CDKAL1: variants seen among roughly 807,000 people sequenced by gnomAD.
The protein encoded by CDKAL1 is threonylcarbamoyladenosine tRNA methylthiotransferase.
CDKAL1 carries 32 observed loss-of-function variants against 68.2 expected under a neutral mutation model. The ratio of observed to expected loss-of-function variants is 0.47; its 90% CI spans 0.35 to 0.63. The LOEUF (loss-of-function observed/expected upper bound fraction) is 0.63. Among genes scored for constraint, CDKAL1 ranks in the 30% least tolerant of loss-of-function variants. The probability of loss-of-function intolerance (pLI) is 0.00; values close to 1 mark genes in which losing one functional copy is unlikely to be tolerated. For missense variants in CDKAL1, 606 were observed against 696.7 expected (o/e 0.87, Z 1.47); for synonymous variants, 234 against 244.3 (o/e 0.96, Z 0.39).
At chr6:20,987,626 T>G (rs1264218311) in intron 10 of CDKAL1, among the ~76,000 whole-genome samples, 1 of 152,194 alleles carries the variant, frequency 6.6e-6, no homozygotes, top group Non-Finnish European at 1.5e-5. Context: ...TTGCAACAGT[T>G]AACTTCTTCT....
At chr6:20,849,834 G>A (rs1330400180) in intron 9 of CDKAL1, among the ~76,000 whole-genome samples, 2 of 151,950 alleles carry the variant, frequency 1.3e-5, no homozygotes, top group Non-Finnish European at 2.9e-5. Context: ...TTTATGCTAC[G>A]GGCGGCCTTA....
intron 4 of CDKAL1, among the ~76,000 whole-genome samples, chr6:20,632,028 T>C (rs113872198): frequency 5.0e-4 from 76 of 152,368 alleles, no homozygotes; most frequent in Middle Eastern, 3.4e-3. Flanking sequence ...TTTAATGATA[T>C]TTTAGTAAGT....
At chr6:20,903,382 C>G (rs1398229117) in intron 9 of CDKAL1, among the ~76,000 whole-genome samples, 1 of 152,186 alleles carries the variant, frequency 6.6e-6, no homozygotes, top group Admixed American at 6.5e-5. Context: ...TTACTTTACT[C>G]AGCCTTAGTT....
At chr6:20,710,554 G>A (rs1562043731) in intron 5 of CDKAL1, among the ~76,000 whole-genome samples, 1 of 152,180 alleles carries the variant, frequency 6.6e-6, no homozygotes, top group Non-Finnish European at 1.5e-5. Context: ...AGTGACGAAT[G>A]ACTGTATGTA....
chr6:20,869,887 G>C (rs899266102), intron 9 of CDKAL1, among the ~76,000 whole-genome samples: 5 of 152,070 alleles, frequency 3.3e-5, no homozygotes, highest in Admixed American at 6.5e-5. Context: ...TTATAACGGG[G>C]TGCAGTGTAT....
intron 4 of CDKAL1, among the ~76,000 whole-genome samples, chr6:20,619,941 TG>T (rs1467370776): frequency 6.6e-6 from 1 of 152,366 alleles, no homozygotes; most frequent in East Asian, 1.9e-4. Flanking sequence ...GAAGGATTTT[TG>T]TGGAAAGCTA....
intron 5 of CDKAL1, among the ~76,000 whole-genome samples, chr6:20,738,774 C>T (rs1773313597): frequency 6.6e-6 from 1 of 152,192 alleles, no homozygotes; most frequent in Admixed American, 6.5e-5. Flanking sequence ...GTTGGGATTA[C>T]AGGTGTGAAC....
At chr6:20,960,217 C>T (rs533502156) in intron 10 of CDKAL1, among the ~76,000 whole-genome samples, 1 of 152,122 alleles carries the variant, frequency 6.6e-6, no homozygotes, top group Non-Finnish European at 1.5e-5. Flanking sequence ...CAGCCTTGAA[C>T]TCCTGGGCTC....
chr6:20,637,549 C>T (rs1029784662), intron 4 of CDKAL1, among the ~76,000 whole-genome samples: 4 of 151,888 alleles, frequency 2.6e-5, no homozygotes, highest in Admixed American at 6.6e-5. Flanking sequence ...GGCAACAGAG[C>T]GAAACTCTGT....
At chr6:20,843,514 A>C (rs2150489502) in intron 8 of CDKAL1, among the ~76,000 whole-genome samples, 1 of 151,982 alleles carries the variant, frequency 6.6e-6, no homozygotes. Flanking sequence ...TATCCTGGGG[A>C]TGAGATCCAA....
chr6:20,916,976 TG>T (rs1762750584), intron 9 of CDKAL1, among the ~76,000 whole-genome samples: 1 of 152,098 alleles, frequency 6.6e-6, no homozygotes, highest in Non-Finnish European at 1.5e-5. Context: ...TTTGTCTTTT[TG>T]TTTGTTTTTG....
intron 5 of CDKAL1, among the ~76,000 whole-genome samples, chr6:20,724,449 G>T (rs942321995): frequency 6.6e-5 from 10 of 151,934 alleles, no homozygotes; most frequent in Admixed American, 4.6e-4. Flanking sequence ...AGGTACAGTG[G>T]CTTATACCTG....
At chr6:21,115,886 C>T (rs1478739001) in intron 13 of CDKAL1, among the ~76,000 whole-genome samples, 1 of 152,162 alleles carries the variant, frequency 6.6e-6, no homozygotes, top group Non-Finnish European at 1.5e-5. Context: ...AGTATCTTCC[C>T]TCTCAAAGTG....
chr6:21,202,761 T>C (rs2048972726), intron 15 of CDKAL1, among the ~76,000 whole-genome samples: 1 of 152,200 alleles, frequency 6.6e-6, no homozygotes, highest in African/African-American at 2.4e-5. Flanking sequence ...CTCTATTCGT[T>C]CCTTAACTAT....
At chr6:20,798,313 A>G (rs1776200875) in intron 8 of CDKAL1, among the ~76,000 whole-genome samples, 3 of 152,176 alleles carry the variant, frequency 2.0e-5, no homozygotes, top group Non-Finnish European at 2.9e-5. Flanking sequence ...ATACCAATAC[A>G]TAGGCTAAAT....
chr6:20,838,493 TAAC>T (rs1332454519), intron 8 of CDKAL1, among the ~76,000 whole-genome samples: 1 of 152,142 alleles, frequency 6.6e-6, no homozygotes, highest in Non-Finnish European at 1.5e-5. Context: ...AAACTAAAAA[TAAC>T]AACGAAGGTG....
At chr6:21,016,342 C>G (rs903385808) in intron 11 of CDKAL1, among the ~76,000 whole-genome samples, 1 of 152,036 alleles carries the variant, frequency 6.6e-6, no homozygotes, top group Non-Finnish European at 1.5e-5. Flanking sequence ...CTGTACTTCA[C>G]TCTTCCTCAC....
At chr6:20,878,512 G>A (rs1279602522) in intron 9 of CDKAL1, among the ~76,000 whole-genome samples, 2 of 152,122 alleles carry the variant, frequency 1.3e-5, no homozygotes, top group Admixed American at 6.6e-5. Context: ...GGCGGAGGCC[G>A]GCGGATCACT....
At chr6:20,540,008 T>C (rs771667267) in intron 2 of CDKAL1, among the ~76,000 whole-genome samples, 3 of 151,874 alleles carry the variant, frequency 2.0e-5, no homozygotes, top group Non-Finnish European at 4.4e-5. Context: ...TGTTGATTGA[T>C]TGGATTTAGG....
Sources: gnomAD v4.1 joint callset for allele counts (sites outside exome capture counted in the v4.1 genomes callset) on GRCh38, gnomAD v4.1.1 for gene constraint, MANE v1.5 for transcripts, NCBI Gene and HGNC (gene_info 2026-07-23, HGNC 2026-07-21) for gene names.